IMMT: variants seen among roughly 807,000 people sequenced by gnomAD.
The protein encoded by IMMT is inner membrane mitochondrial protein.
IMMT carries 40 observed loss-of-function variants against 92.7 expected under a neutral mutation model. That is an observed-to-expected ratio of 0.43 (90% CI 0.34 to 0.56). IMMT has a LOEUF of 0.56. Ranked by LOEUF, IMMT falls within the 20% of genes least tolerant of loss-of-function variation. IMMT has a pLI of 0.03. For missense variants in IMMT, 831 were observed against 912.1 expected, an observed-to-expected ratio of 0.91 and a Z score of 1.14; for synonymous variants, 322 against 336.1, an observed-to-expected ratio of 0.96 and a Z score of 0.46.
Position 86,151,506 on chromosome 2 carries a change from T to G in IMMT, c.1192A>C (p.Thr398Pro). ...GCAATGAGGGAGTTCAGATCATCAG[T>G]AGAGAGCTTGTCAGCTAAGCAAAAG... is the stretch of plus-strand genomic sequence containing the variant. Reference protein sequence around the residue: ...SVSDLADKLSTDDLNSLIAHA... With the variant: ...SVSDLADKLSPDDLNSLIAHA... The change falls in exon 12 of 15, where the codon ACT becomes CCT. Residue 398 changes from threonine to proline, a missense_variant. Coordinates refer to ENST00000410111, the MANE Select transcript of IMMT (RefSeq NM_006839.3). 6.2e-7 allele frequency: 1 copy of G among 1,613,312 alleles called. No homozygotes were observed.
intron 3 of IMMT, among the ~76,000 whole-genome samples, chr2:86,174,365 T>C (rs1677294860): frequency 6.6e-6 from 1 of 152,232 alleles, no homozygotes; most frequent in African/African-American, 2.4e-5. Context: ...ACTTATGTTA[T>C]TCCACTTTTT....
At chr2:86,195,228 C>G (rs1385050274) in intron 1 of IMMT, 110 bp downstream of exon 1, 1 of 1,235,580 alleles carries the variant, frequency 8.1e-7, no homozygotes, top group South Asian at 1.8e-5. Context: ...GAGGGTGGCC[C>G]TGAGGCTCGC....
chr2:86,171,369 T>C, intron 4 of IMMT, 24 bp from the exon 5 acceptor site: 1 of 1,600,816 alleles, frequency 6.2e-7, no homozygotes, highest in Non-Finnish European at 8.5e-7. Context: ...TTACTCATGG[T>C]ATTTATACTT....
rs185977414 is a variant in IMMT, at chr2:86,161,639, G to C, written c.896+337C>G. On this transcript the variant is annotated intron_variant, in intron 8 of 14. Coordinates refer to ENST00000410111, the MANE Select transcript of IMMT (RefSeq NM_006839.3). ...GGTGATTCTCCTGCCTCAGCCTCTC[G>C]AGTAGCTGGGACTACAGGCGCCCGC... Among the ~76,000 whole-genome samples, 1,142 of 150,196 alleles carry C rather than the reference G, an allele frequency of 7.6e-3. 20 individuals carry two copies. Among genetic ancestry groups the C allele is most frequent in the African/African-American group, 0.026 (1,050 of 40,732 alleles).
At chr2:86,180,255 C>A (rs1009810134) in intron 2 of IMMT, among the ~76,000 whole-genome samples, 1 of 152,068 alleles carries the variant, frequency 6.6e-6, no homozygotes, top group Admixed American at 6.5e-5. Flanking sequence ...TCTATAAACA[C>A]AATAAACTCT....
At chr2:86,155,311 A>G (rs754894028) in intron 10 of IMMT, among the ~76,000 whole-genome samples, 1 of 152,186 alleles carries the variant, frequency 6.6e-6, no homozygotes, top group African/African-American at 2.4e-5. Flanking sequence ...TATTATGGTT[A>G]TATCATTCCT....
intron 6 of IMMT, 52 bp from the exon 7 acceptor site, chr2:86,166,696 CTT>C (rs1676703499): frequency 2.0e-6 from 3 of 1,501,192 alleles, no homozygotes; most frequent in Non-Finnish European, 2.7e-6. Flanking sequence ...CCATAAATGA[CTT>C]TAAACTTTTG....
chr2:86,166,703 CTT>C, intron 6 of IMMT, 59 bp from the exon 7 acceptor site: 2 of 1,478,396 alleles, frequency 1.4e-6, no homozygotes, highest in Admixed American at 2.4e-5. Context: ...TGACTTTAAA[CTT>C]TTGCTGTTCT....
At position 86,151,302 on chromosome 2, in the gene IMMT, T is replaced by G. The variant is rs1299760228; in HGVS notation, c.1396A>C (p.Arg466=). The change falls in exon 12 of 15, where the codon AGA becomes CGA. Residue 466 remains arginine, a synonymous_variant. Coordinates refer to ENST00000410111, the MANE Select transcript of IMMT (RefSeq NM_006839.3). ...HRSEIQAEQD[R]KIEEVRDAME... ...ACAATTCTCATTTCTCTTACCTTTC[T>G]GTCCTGTTCAGCCTGTATTTCACTT... 6.2e-7 allele frequency: 1 copy of G among 1,609,576 alleles called. No individual in the cohort carries two copies. The highest frequency in any genetic ancestry group is 2.2e-5 in the East Asian group (1 of 44,864).
chr2:86,148,217 T>C (rs1359474356), intron 12 of IMMT, among the ~76,000 whole-genome samples: 3 of 152,254 alleles, frequency 2.0e-5, no homozygotes, highest in Non-Finnish European at 4.4e-5. Context: ...AGCGTAGCTT[T>C]ACTACAACCA....
intron 1 of IMMT, among the ~76,000 whole-genome samples, chr2:86,190,035 C>A (rs892785767): frequency 6.6e-6 from 1 of 152,136 alleles, no homozygotes; most frequent in Admixed American, 6.5e-5. Context: ...TTTCCCTGCA[C>A]ATATGTGAAT....
intron 11 of IMMT, among the ~76,000 whole-genome samples, chr2:86,152,934 A>G (rs746935535): frequency 2.7e-4 from 41 of 151,730 alleles, no homozygotes; most frequent in Non-Finnish European, 4.4e-4. Flanking sequence ...AGATTTATTG[A>G]CTAAACTCAA....
At chr2:86,149,735 A>C (rs1019346995) in intron 12 of IMMT, among the ~76,000 whole-genome samples, 1 of 152,028 alleles carries the variant, frequency 6.6e-6, no homozygotes. Context: ...AAAATTAGCC[A>C]CATGTGGTGG....
intron 12 of IMMT, among the ~76,000 whole-genome samples, chr2:86,148,761 C>G (rs1015976100): frequency 6.6e-6 from 1 of 152,130 alleles, no homozygotes; most frequent in Non-Finnish European, 1.5e-5. Flanking sequence ...CCTTGCCTAA[C>G]AAATAGCCAT....
At chr2:86,179,927 CA>C (rs3835958) in intron 2 of IMMT, among the ~76,000 whole-genome samples, 4 of 151,572 alleles carry the variant, frequency 2.6e-5, no homozygotes, top group Admixed American at 2.6e-4. Context: ...CACACCCTGC[CA>C]AAAAAATTAG....
chr2:86,144,801 T>C lies in IMMT; in HGVS notation c.1744A>G (p.Thr582Ala), dbSNP rs1459739782. 7 of 1,612,794 alleles carry C rather than the reference T, an allele frequency of 4.3e-6. No individual in the cohort carries two copies. In the African/African-American group the frequency reaches 6.7e-5, roughly 15 times the overall value. Reference protein sequence around the residue: ...SVEALKYSMKTSSAETPTIPL... With the variant: ...SVEALKYSMKASSAETPTIPL... ...ATAGTAGGTGTTTCTGCAGATGAGG[T>C]CTTCATGCTGTACTTTAATGCCTCC... The change falls in exon 15 of 15, where the codon ACC (threonine) becomes GCC (alanine). Residue 582 changes from threonine (T) to alanine (A), a missense_variant. Physicochemically the swap from Thr to Ala is moderately conservative, Grantham distance 58 (BLOSUM62 0). Coordinates refer to ENST00000410111, the MANE Select transcript of IMMT (RefSeq NM_006839.3).
At chr2:86,168,943 G>A (rs1481831447) in intron 6 of IMMT, among the ~76,000 whole-genome samples, 1 of 152,218 alleles carries the variant, frequency 6.6e-6, no homozygotes, top group Non-Finnish European at 1.5e-5. Flanking sequence ...ACAGGCAGTT[G>A]TGAACCACTT....
chr2:86,185,636 T>C (rs1311338932), intron 1 of IMMT, among the ~76,000 whole-genome samples: 2 of 152,152 alleles, frequency 1.3e-5, no homozygotes, highest in Admixed American at 1.3e-4. Flanking sequence ...AAGATGTGTA[T>C]CATGCATCTA....
Position 86,151,370 on chromosome 2 carries a change from C to T in IMMT, c.1328G>A (p.Arg443Gln), listed in dbSNP as rs548215739. Residue 443 changes from arginine to glutamine, a missense_variant, in exon 12 of 15, where the codon CGG becomes CAG. Coordinates refer to ENST00000410111, the MANE Select transcript of IMMT (RefSeq NM_006839.3). The stretch of plus-strand genomic sequence containing the variant: ...TTTTGCTACTGCAGAGTCAAATGCC[C>T]GCTTTTCTTCCAGCTTTTGTTTCTC... Reference protein sequence around the residue: ...ALEKQKLEEKRAFDSAVAKAL... With the variant: ...ALEKQKLEEKQAFDSAVAKAL... The T allele has an allele frequency of 1.7e-5, 28 of 1,613,952 alleles. No homozygotes were observed. The East Asian group carries it at 2.2e-4, about 13-fold the overall frequency.
Sources: allele counts gnomAD v4.1 joint callset (sites outside exome capture counted in the v4.1 genomes callset), GRCh38; gene constraint gnomAD v4.1.1; transcripts MANE v1.5; gene names NCBI Gene and HGNC (gene_info 2026-07-23, HGNC 2026-07-21).